Variants in AGO3 observed in about 807,000 individuals in gnomAD.
AGO3 encodes the protein argonaute RISC catalytic component 3.
A neutral mutation model predicts 105.5 loss-of-function variants in AGO3; 16 were observed. The observed-to-expected ratio is 0.15, with a 90% CI of 0.10 to 0.23. The LOEUF (loss-of-function observed/expected upper bound fraction) is 0.23. AGO3 is among the 10% of genes least tolerant of loss of function. The pLI, the probability that AGO3 is intolerant of heterozygous loss-of-function variation, is 1.00. For missense variants in AGO3, 534 were observed against 1,088.0 expected, an observed-to-expected ratio of 0.49 and a Z score of 7.16; for synonymous variants, 340 against 367.3, an observed-to-expected ratio of 0.93 and a Z score of 0.85.
At chr1:35,941,277 C>G (rs1012536850) in intron 1 of AGO3, among the ~76,000 whole-genome samples, 4 of 151,610 alleles carry the variant, frequency 2.6e-5, no homozygotes, top group Admixed American at 6.6e-5. Flanking sequence ...CACATCACTC[C>G]CCTAACTGTA....
At chr1:36,038,252 CTTT>C (rs781058020) in intron 14 of AGO3, among the ~76,000 whole-genome samples, 2 of 112,654 alleles carry the variant, frequency 1.8e-5, no homozygotes. Context: ...TGGATTTATT[CTTT>C]TTTTTTTTTT....
chr1:36,041,072 C>CAAA (rs35842002), intron 16 of AGO3, among the ~76,000 whole-genome samples: 8 of 33,162 alleles, frequency 2.4e-4, no homozygotes, highest in African/African-American at 5.9e-4. Context: ...AACTCCATCT[C>CAAA]AAAAAAAAAA....
Position 36,027,243 on chromosome 1 carries a change from A to G in AGO3, c.1536A>G (p.Thr512=). The G allele has an allele frequency of 1.2e-6, 2 of 1,614,182 alleles. No homozygotes were observed. The highest frequency in any genetic ancestry group is 1.1e-5 in the South Asian group (1 of 91,084). The change falls in exon 12 of 19, where the codon ACA becomes ACG. Residue 512 remains threonine, a synonymous_variant. Coordinates refer to ENST00000373191, the MANE Select transcript of AGO3 (RefSeq NM_024852.4). This position sits in a 1 kb window ranked among gnomAD's most constrained non-coding sequence, Gnocchi z 4.0. The part of the protein sequence containing the change: ...VEPMFRHLKN[T]YSGLQLIIVI... ...CCATGTTCCGGCATCTCAAGAACACATATTCTGGCCTACAGCTTATTATCG... is the reference window on the plus strand; with the variant it reads ...CCATGTTCCGGCATCTCAAGAACACGTATTCTGGCCTACAGCTTATTATCG...
chr1:36,055,379 A>G lies in AGO3; in HGVS notation c.2474+234A>G. 1 of 611,586 alleles carries G rather than the reference A, an allele frequency of 1.6e-6. No homozygotes were observed. The highest frequency in any genetic ancestry group is 2.9e-6 in the Non-Finnish European group (1 of 348,634). The allele number at this position is 611,586 out of a possible 1,614,324, so 37.9% of individuals were successfully genotyped here. On this transcript the variant is annotated intron_variant, in intron 18 of 18. Transcript: ENST00000373191. This position sits in a 1 kb window ranked among gnomAD's most constrained non-coding sequence, Gnocchi z 4.4. ...TCAAAGGAGAGATTATTGGTAATAA[A>G]GTGATACATTCAGACAGATAGACAA... is the stretch of plus-strand genomic sequence containing the variant.
At chr1:36,015,506 C>T (rs942235532) in intron 11 of AGO3, among the ~76,000 whole-genome samples, 1 of 152,222 alleles carries the variant, frequency 6.6e-6, no homozygotes, top group Non-Finnish European at 1.5e-5. Flanking sequence ...GGCTGAAAGT[C>T]CCAGCCCTCT....
At chr1:36,051,998 T>C (rs1642735746) in intron 17 of AGO3, among the ~76,000 whole-genome samples, 1 of 152,076 alleles carries the variant, frequency 6.6e-6, no homozygotes, top group South Asian at 2.1e-4. Context: ...ATTAGGGAAA[T>C]CAGTATGGAA....
chr1:35,943,373 C>T (rs1326034104), intron 1 of AGO3, among the ~76,000 whole-genome samples: 1 of 149,578 alleles, frequency 6.7e-6, no homozygotes, highest in African/African-American at 2.5e-5. Context: ...ACAATCTCGG[C>T]TCACTGCAGC....
chr1:35,959,712 AAT>A (rs1219680380), intron 2 of AGO3, among the ~76,000 whole-genome samples: 1 of 152,132 alleles, frequency 6.6e-6, no homozygotes, highest in Non-Finnish European at 1.5e-5. Context: ...AGTGTCATAA[AAT>A]ATAGAGGAAA....
At chr1:35,952,132 CTTTCTTTCTTTCTTTCTTTTTTTTT>C (rs1009313857) in intron 2 of AGO3, among the ~76,000 whole-genome samples, 18 of 111,936 alleles carry the variant, frequency 1.6e-4, no homozygotes, top group African/African-American at 6.4e-4. Flanking sequence ...TTCTTTCTTT[CTTTCTTTCTTTCTTTCTTTTTTTTT>C]TTTTTTTTTG....
chr1:35,971,177 T>A (rs147318210), intron 3 of AGO3, among the ~76,000 whole-genome samples: 7,575 of 144,630 alleles, frequency 0.052, 246 homozygotes, highest in Non-Finnish European at 0.072. Context: ...TTATTTATTT[T>A]TTTTTTGAGC....
chr1:36,029,906 T>C (rs1202972850), intron 12 of AGO3, among the ~76,000 whole-genome samples: 1 of 150,134 alleles, frequency 6.7e-6, no homozygotes, highest in Non-Finnish European at 1.5e-5. Flanking sequence ...TTGGCCAGGG[T>C]GGTCTCAAAC....
At chr1:35,965,975 G>A (rs1986607) in intron 2 of AGO3, among the ~76,000 whole-genome samples, 3 of 151,826 alleles carry the variant, frequency 2.0e-5, no homozygotes, top group Non-Finnish European at 2.9e-5. Flanking sequence ...ACAGGCATGC[G>A]CCACTGTACC....
chr1:36,038,299 C>T (rs1045346409), intron 14 of AGO3, among the ~76,000 whole-genome samples: 3 of 136,892 alleles, frequency 2.2e-5, no homozygotes, highest in Non-Finnish European at 3.1e-5. Flanking sequence ...CTGTAGCTCA[C>T]GCTGGAATGC....
chr1:35,953,216 T>A (rs1033740186), intron 2 of AGO3, among the ~76,000 whole-genome samples: 3 of 151,584 alleles, frequency 2.0e-5, no homozygotes, highest in Admixed American at 6.6e-5. Context: ...ATCACTTGAG[T>A]CCAGGAATTC....
At chr1:36,021,968 C>A (rs1046381339) in intron 11 of AGO3, among the ~76,000 whole-genome samples, 1 of 148,878 alleles carries the variant, frequency 6.7e-6, no homozygotes, top group African/African-American at 2.5e-5. Context: ...TATAGAAAAT[C>A]TTTTAAAAGA....
At chr1:36,013,597 T>C (rs1296717443) in intron 9 of AGO3, 33 bp from the exon 10 acceptor site, 1 of 1,610,386 alleles carries the variant, frequency 6.2e-7, no homozygotes. Flanking sequence ...TGGGGGAATT[T>C]TGAGAGTAAC....
chr1:35,945,567 T>C, intron 1 of AGO3, 125 bp from the exon 2 acceptor site: 1 of 900,142 alleles, frequency 1.1e-6, no homozygotes, highest in South Asian at 1.8e-5. Context: ...AGAAATGATG[T>C]CATCTTGCAG....
rs774661578 is a variant in AGO3, at chr1:36,039,952, C to T, written c.2005C>T (p.Arg669Trp). ...RFKPTRIIFY[R>W]DGVSEGQFRQ... ...CAAGCCTACTCGTATCATCTTTTAT[C>T]GGGATGGTGTTTCAGAGGGGCAGTT... The change falls in exon 15 of 19, where the codon CGG (arginine) becomes TGG (tryptophan). Residue 669 changes from arginine to tryptophan, a missense_variant. This residue lies in a region of AGO3 where 373 missense variants were observed against 854.0 expected (regional missense o/e 0.44). Transcript: ENST00000373191. 1 of 1,613,348 alleles carries T rather than the reference C, an allele frequency of 6.2e-7. No homozygotes were observed.
chr1:36,003,681 T>A (rs1640198863), intron 5 of AGO3, among the ~76,000 whole-genome samples: 2 of 98,502 alleles, frequency 2.0e-5, no homozygotes, highest in African/African-American at 4.5e-5. Context: ...GAAACAAGAG[T>A]GAAAGTCTGT....
Sources: gnomAD v4.1 joint callset for allele counts (sites outside exome capture counted in the v4.1 genomes callset) on GRCh38, gnomAD v4.1.1 for gene constraint, gnomAD v4.1.1 regional missense constraint, Gnocchi (gnomAD v3.1) non-coding constraint, MANE v1.5 for transcripts, NCBI Gene and HGNC (gene_info 2026-07-23, HGNC 2026-07-21) for gene names.